Variants in ULK1 observed in about 807,000 individuals in gnomAD.
ULK1 encodes unc-51 like autophagy activating kinase 1.
A neutral mutation model predicts 117.5 loss-of-function variants in ULK1; 48 were observed. The ratio of observed to expected loss-of-function variants is 0.41; its 90% confidence interval spans 0.32 to 0.52. ULK1 has a LOEUF of 0.52. ULK1 is among the 20% of genes least tolerant of loss of function. ULK1 has a pLI of 0.29. For synonymous variants in ULK1, 790 were observed against 637.8 expected (o/e 1.24, Z -3.60); for missense variants, 1,387 against 1,473.4 (o/e 0.94, Z 0.96).
At chr12:131,906,054 G>A (rs1200139611) in intron 3 of ULK1, among the ~76,000 whole-genome samples, 1 of 152,174 alleles carries the variant, frequency 6.6e-6, no homozygotes, top group Non-Finnish European at 1.5e-5. Context: ...GAGGCCGCAG[G>A]CCTCTGCGTC....
At position 131,915,416 on chromosome 12, in the gene ULK1, G is replaced by C. The variant is rs909703746; in HGVS notation, c.1604G>C (p.Arg535Pro). The C allele has an allele frequency of 6.8e-6, 11 of 1,612,338 alleles. No homozygotes were observed. The highest frequency in any genetic ancestry group is 1.3e-5 in the African/African-American group (1 of 74,946). Residue 535 changes from arginine to proline, a missense_variant, in exon 18 of 28, where the codon CGT becomes CCT. Arg to Pro is a moderately radical substitution (Grantham distance 103). Coordinates refer to ENST00000321867, the MANE Select transcript of ULK1 (RefSeq NM_003565.4). ...GAGATGCGGGGTGGCAGGTCCCCTCGTCCAGGTGGGTGCAGTCCGGAGGGG... is the reference window on the plus strand; with the variant it reads ...GAGATGCGGGGTGGCAGGTCCCCTCCTCCAGGTGGGTGCAGTCCGGAGGGG... The part of the protein sequence containing the change: ...GAEMRGGRSP[R>P]PGSSAPEHSP...
At chr12:131,909,258 T>C (rs1889414486) in intron 8 of ULK1, 21 bp downstream of exon 8, 1 of 1,552,390 alleles carries the variant, frequency 6.4e-7, no homozygotes. Flanking sequence ...TTGGCCCTGC[T>C]CCCCACGCCG....
Position 131,902,481 on chromosome 12 carries a change from G to A in ULK1, c.247-4411G>A, listed in dbSNP as rs1468180010. Among the ~76,000 whole-genome samples, 3 of 152,182 alleles carry A rather than the reference G, an allele frequency of 2.0e-5. No individual in the cohort carries two copies. Among genetic ancestry groups the A allele is most frequent in the African/African-American group, 7.2e-5 (3 of 41,426 alleles). On this transcript the variant is annotated intron_variant, in intron 3 of 27. Transcript: ENST00000321867. This position sits in a 1 kb window ranked among gnomAD's most constrained non-coding sequence, Gnocchi z 6.3. ...CCGTGGGTGCGTGTGTGCAGGGTGT[G>A]GGGGCCGGCCTGCCTGGGGAGTGCT...
rs373571180 is a variant in ULK1 at position 131,909,606 on chromosome 12, C to T, written c.667-169C>T. On this transcript the variant is annotated intron_variant, in intron 8 of 27. Transcript: ENST00000321867. ...CGAGAGACCGTCGGCGCCCCCTCCC[C>T]GCCCCCATGCTCATACCTCCAGCAG... 2.0e-5 allele frequency among the ~76,000 whole-genome samples: 3 copies of T among 152,290 alleles called. No homozygotes were observed. In the East Asian group the frequency reaches 5.8e-4, roughly 29 times the overall value.
rs150925681 is a variant in ULK1 at position 131,908,750 on chromosome 12, G to A, written c.423G>A (p.Pro141=). ...SKGIIHRDLK[P]QNILLSNPAG... ...GCATCATCCACCGCGACCTGAAACC[G>A]CAGAACATCCTGCTGTCCAACCCCG... The change falls in exon 6 of 28, where the codon CCG becomes CCA. Residue 141 remains proline, a synonymous_variant. Transcript: ENST00000321867. 235 of 1,608,620 alleles carry A rather than the reference G, an allele frequency of 1.5e-4. No individual in the cohort carries two copies. Among genetic ancestry groups the A allele is most frequent in the East Asian group, 4.2e-4 (19 of 44,724 alleles).
chr12:131,919,721 C>G, intron 25 of ULK1, 131 bp downstream of exon 25: 1 of 1,142,332 alleles, frequency 8.8e-7, no homozygotes, highest in Non-Finnish European at 1.3e-6. Flanking sequence ...GCCCCGGGGC[C>G]TGGCCCAGTG....
chr12:131,901,678 G>T (rs1566114558), intron 3 of ULK1, among the ~76,000 whole-genome samples: 1 of 152,230 alleles, frequency 6.6e-6, no homozygotes, highest in Non-Finnish European at 1.5e-5. Context: ...ACAGGAGTTG[G>T]TTTTTGTTTG....
Position 131,914,996 on chromosome 12 carries a change from T to C in ULK1, c.1374-87T>C, listed in dbSNP as rs1401859764. On this transcript the variant is annotated intron_variant, in intron 16 of 27. Transcript: ENST00000321867. ...GGGCTGCTGGGGCCTCCCCTCCTAA[T>C]ACCTGCCTTGTCCCCAGGTCCTCTG... 5 of 1,490,788 alleles carry C rather than the reference T, an allele frequency of 3.4e-6. No individual in the cohort carries two copies. The African/African-American group carries it at 7.1e-5, about 21-fold the overall frequency. The allele number at this position is 1,490,788 out of a possible 1,614,324, so 92.3% of individuals were successfully genotyped here.
chr12:131,909,461 CTCGCCTGTCTGGTCGCCTGTCTAG>C (rs1047973732), intron 8 of ULK1, among the ~76,000 whole-genome samples: 13 of 152,144 alleles, frequency 8.5e-5, no homozygotes, highest in African/African-American at 1.7e-4. Flanking sequence ...CAAGGCCTCC[CTCGCCTGTCTGGTCGCCTGTCTAG>C]TCGCCTGTCT....
chr12:131,920,507 G>T, intron 26 of ULK1: 1 of 262,830 alleles, frequency 3.8e-6, no homozygotes. Context: ...CACGGGCAAA[G>T]ACTCCCTGCT....
Position 131,909,169 on chromosome 12 carries a change from G to A in ULK1, c.598G>A (p.Gly200Arg), listed in dbSNP as rs779346547. The change falls in exon 8 of 28, where the codon GGG becomes AGG. Residue 200 changes from glycine to arginine, a missense_variant. Around this residue, in one of 4 missense-constraint regions of ULK1, gnomAD observed 224 missense variants for 325.2 expected, o/e 0.69. Transcript: ENST00000321867. ...PEVIMSQHYD[G>R]KADLWSIGTI... The stretch of plus-strand genomic sequence containing the variant: ...GGTCATCATGTCCCAGCACTACGAC[G>A]GGAAGGCGGACCTGTGGAGCATCGG... 1 of 1,610,064 alleles carries A rather than the reference G, an allele frequency of 6.2e-7. No individual in the cohort carries two copies. Among genetic ancestry groups the A allele is most frequent in the Non-Finnish European group, 8.5e-7 (1 of 1,178,740 alleles).
rs200950823 is a variant in ULK1 at position 131,910,217 on chromosome 12, G to T, written c.809-37G>T. ...GGCAGGGGCCTGGGGTCAGAGCTGG[G>T]GTCCTCCTGAGGCCTCACTCCTCCT... On this transcript the variant is annotated intron_variant, in intron 10 of 27. Coordinates refer to ENST00000321867, the MANE Select transcript of ULK1 (RefSeq NM_003565.4). The T allele has an allele frequency of 5.0e-6, 8 of 1,612,550 alleles. No individual in the cohort carries two copies. The East Asian group carries it at 1.8e-4, about 36-fold the overall frequency.
At chr12:131,897,955 C>T (rs920825357) in intron 3 of ULK1, 3 of 152,230 alleles carry the variant, frequency 2.0e-5, no homozygotes, top group Non-Finnish European at 4.4e-5. Flanking sequence ...AGGTCACCAT[C>T]TGTAAGCACA....
At position 131,916,470 on chromosome 12, in the gene ULK1, G is replaced by A. The variant is rs565402146; in HGVS notation, c.1951G>A (p.Val651Met). The change falls in exon 20 of 28, where the codon GTG becomes ATG. Residue 651 changes from valine to methionine, a missense_variant. Coordinates refer to ENST00000321867, the MANE Select transcript of ULK1 (RefSeq NM_003565.4). ...NLLALLARQG[V>M]VMTPPRNRTL... Reference sequence around the variant, plus strand: ...GCTGGCCCTCCTAGCCCGGCAGGGCGTGGTGATGACGCCCCCTCGAAACCG... The same window carrying A: ...GCTGGCCCTCCTAGCCCGGCAGGGCATGGTGATGACGCCCCCTCGAAACCG... The A allele has an allele frequency of 1.7e-5, 28 of 1,612,188 alleles. No individual in the cohort carries two copies. Among genetic ancestry groups the A allele is most frequent in the Admixed American group, 6.7e-5 (4 of 59,938 alleles).
intron 19 of ULK1, 49 bp downstream of exon 19, chr12:131,916,208 G>A: frequency 5.0e-6 from 8 of 1,586,798 alleles, no homozygotes; most frequent in Non-Finnish European, 6.9e-6. Context: ...TGGGGAAGAT[G>A]TGTGGGAATG....
In ULK1 at chr12:131,910,304, T is replaced by C. The variant is rs1889478573; in HGVS notation, c.859T>C (p.Ser287Pro). ...CGATGCCAGCCCCTCGGTCAGGAAA[T>C]GTGAGTTTCTGTGGGTCCTGGGGCT... ...FLDASPSVRKSPPVPVPSYPS... is the reference protein window; with the variant it reads ...FLDASPSVRKPPPVPVPSYPS... The change falls in exon 11 of 28, where the codon TCC becomes CCC. Residue 287 changes from serine to proline, a missense_variant and splice_region_variant. Ser to Pro is a moderately conservative substitution (Grantham distance 74). Around this residue, in one of 4 missense-constraint regions of ULK1, gnomAD observed 260 missense variants for 271.6 expected, o/e 0.96. Transcript: ENST00000321867. 6.2e-7 allele frequency: 1 copy of C among 1,613,472 alleles called. No homozygotes were observed. The highest frequency in any genetic ancestry group is 1.7e-5 in the Admixed American group (1 of 59,998).
intron 3 of ULK1, among the ~76,000 whole-genome samples, chr12:131,901,529 G>GC (rs554434723): frequency 6.6e-6 from 1 of 152,260 alleles, no homozygotes; most frequent in South Asian, 2.1e-4. Context: ...CCTCCTGTGT[G>GC]CCCCCCTCCC....
rs1199722229 is a variant in ULK1 at position 131,921,131 on chromosome 12, A to G, written c.2993A>G (p.Gln998Arg). 2 of 1,602,238 alleles carry G rather than the reference A, an allele frequency of 1.2e-6. No homozygotes were observed. Among genetic ancestry groups the G allele is most frequent in the African/African-American group, 2.7e-5 (2 of 74,896 alleles). The stretch of plus-strand genomic sequence containing the variant: ...TCGGCTGCCCTGGACGAGATGTTCC[A>G]GCACCGTGAGGGCTGCGTCCCACGC... The part of the protein sequence containing the change: ...VQSAALDEMF[Q>R]HREGCVPRYH... Residue 998 changes from glutamine to arginine, a missense_variant, in exon 27 of 28, where the codon CAG becomes CGG. Physicochemically the swap from Gln to Arg is conservative, Grantham distance 43. Coordinates refer to ENST00000321867, the MANE Select transcript of ULK1 (RefSeq NM_003565.4).
In ULK1 at chr12:131,922,099, C is replaced by T. The variant is rs1385754785; in HGVS notation, c.*738C>T. The T allele has an allele frequency of 2.2e-6, 1 of 447,394 alleles. No homozygotes were observed. Among genetic ancestry groups the T allele is most frequent in the South Asian group, 1.6e-5 (1 of 63,952 alleles). The allele number at this position is 447,394 out of a possible 1,614,324, so 27.7% of individuals were successfully genotyped here. A position where few individuals can be genotyped will look rare whatever the true frequency, so the allele number is the denominator to read the frequency against. On this transcript the variant is annotated 3_prime_UTR_variant, in exon 28 of 28. Transcript: ENST00000321867. ...GGACCGGCAGCAGAGGCACCGTGTT[C>T]TCTCAGCCCTGGATACGTCTTGTAA...
Sources: allele counts gnomAD v4.1 joint callset (sites outside exome capture counted in the v4.1 genomes callset), GRCh38; gene constraint gnomAD v4.1.1; regional missense constraint gnomAD v4.1.1; non-coding constraint Gnocchi (gnomAD v3.1); transcripts MANE v1.5; gene names NCBI Gene and HGNC (gene_info 2026-07-23, HGNC 2026-07-21).